ANO4: variants seen among roughly 807,000 people sequenced by gnomAD.
ANO4 encodes anoctamin-4.
Under a neutral mutation model 141.9 loss-of-function variants are expected in ANO4, and 69 were observed. The ratio of observed to expected loss-of-function variants is 0.49; its 90% CI spans 0.40 to 0.59. ANO4 has a LOEUF of 0.59. Among genes scored for constraint, ANO4 ranks in the 20% least tolerant of loss-of-function variants. The pLI is 0.00. For synonymous variants in ANO4, 350 were observed against 394.3 expected, an observed-to-expected ratio of 0.89 and a Z score of 1.33; for missense variants, 894 against 1,162.2, an observed-to-expected ratio of 0.77 and a Z score of 3.36.
intron 7 of ANO4, 73 bp from the exon 8 acceptor site, chr12:100,987,466 G>C (rs2044757456): frequency 6.4e-7 from 1 of 1,565,580 alleles, no homozygotes; most frequent in Non-Finnish European, 8.7e-7. Context: ...TGGCTCTGCG[G>C]AGACCTTCCT....
At chr12:100,979,374 G>T (rs1308236967) in intron 7 of ANO4, among the ~76,000 whole-genome samples, 1 of 152,134 alleles carries the variant, frequency 6.6e-6, no homozygotes, top group Admixed American at 6.5e-5. Context: ...TAGGTCTGAG[G>T]TGGGGCTCGA....
At chr12:101,063,249 GTACTTC>G (rs1566194419) in intron 14 of ANO4, among the ~76,000 whole-genome samples, 1 of 152,182 alleles carries the variant, frequency 6.6e-6, no homozygotes, top group Non-Finnish European at 1.5e-5. Context: ...GATGAGCTGG[GTACTTC>G]ATTTGGAAAT....
chr12:100,871,123 A>T (rs1264725405), intron 1 of ANO4, among the ~76,000 whole-genome samples: 2 of 152,108 alleles, frequency 1.3e-5, no homozygotes, highest in African/African-American at 4.8e-5. Context: ...TCACTTTGTG[A>T]TTACTGAGTT....
chr12:100,741,144 G>T lies in ANO4; in HGVS notation c.358+1039G>T, dbSNP rs541128591. Among the ~76,000 whole-genome samples the T allele has an allele frequency of 7.9e-5, 12 of 152,258 alleles. 1 individual carries two copies. The South Asian group carries it at 1.4e-3, about 18-fold the overall frequency. Reference sequence around the variant, plus strand: ...TTTATTTCTAAAATCTGAGTTGGAGGTTTAAATTATGCAAAATCTATCCTG... The same window carrying T: ...TTTATTTCTAAAATCTGAGTTGGAGTTTTAAATTATGCAAAATCTATCCTG... On this transcript the variant is annotated intron_variant, in intron 3 of 29. Transcript: ENST00000644049.
At chr12:101,058,513 T>G (rs2048220338) in intron 14 of ANO4, among the ~76,000 whole-genome samples, 1 of 152,214 alleles carries the variant, frequency 6.6e-6, no homozygotes, top group Admixed American at 6.5e-5. Flanking sequence ...ATTTTTCCAT[T>G]TGTTTGTGTC....
chr12:100,827,781 C>A (rs972957159), intron 1 of ANO4, among the ~76,000 whole-genome samples: 1 of 151,964 alleles, frequency 6.6e-6, no homozygotes, highest in Admixed American at 6.6e-5. Context: ...GGTAAGAAGT[C>A]CAGCCATTGC....
chr12:101,064,192 C>T (rs552092373), intron 14 of ANO4, among the ~76,000 whole-genome samples: 12 of 151,968 alleles, frequency 7.9e-5, no homozygotes, highest in Non-Finnish European at 1.6e-4. Flanking sequence ...AGCTATATCC[C>T]CCAAATTGTG....
rs540695345 is a variant in ANO4 at position 100,740,405 on chromosome 12, A to T, written c.358+300A>T. ...CTCACTGGCCTTTAATAGCTTTGCT[A>T]TACCAGAAGGAAGGTTGAATGTGTA... is the stretch of plus-strand genomic sequence containing the variant. On this transcript the variant is annotated intron_variant, in intron 3 of 29. Coordinates refer to the ANO4 transcript ENST00000644049. Among the ~76,000 whole-genome samples the T allele has an allele frequency of 2.0e-5, 3 of 152,232 alleles. No homozygotes were observed. The South Asian group carries it at 6.2e-4, about 32-fold the overall frequency.
At position 101,058,148 on chromosome 12, in the gene ANO4, G is replaced by A. The variant is rs891666197; in HGVS notation, c.1312+9747G>A. ...CTTTCCCCATTGCTGTTTTTGTCAG[G>A]TTTATCAAAGATTAGATGGTTGTAG... On this transcript the variant is annotated intron_variant, in intron 14 of 27. Transcript: ENST00000392977. 3.3e-5 allele frequency among the ~76,000 whole-genome samples: 5 copies of A among 152,100 alleles called. 1 individual carries two copies. Among genetic ancestry groups the A allele is most frequent in the Admixed American group, 1.3e-4 (2 of 15,268 alleles).
intron 3 of ANO4, among the ~76,000 whole-genome samples, chr12:100,751,269 G>A (rs967097428): frequency 2.0e-5 from 3 of 152,076 alleles, no homozygotes; most frequent in South Asian, 2.1e-4. Context: ...AAAGATCTAC[G>A]CGGGAAAGCA....
At chr12:100,834,854 G>A (rs1352916623) in intron 1 of ANO4, among the ~76,000 whole-genome samples, 3 of 152,142 alleles carry the variant, frequency 2.0e-5, no homozygotes, top group African/African-American at 7.2e-5. Context: ...AGATATATGA[G>A]GGAAGAGTGA....
chr12:101,113,324 A>G (rs1233016608), intron 24 of ANO4, among the ~76,000 whole-genome samples: 2 of 152,230 alleles, frequency 1.3e-5, no homozygotes, highest in East Asian at 1.9e-4. Flanking sequence ...GGGAACCTTT[A>G]TGCACAATTG....
intron 5 of ANO4, among the ~76,000 whole-genome samples, chr12:100,946,242 G>A (rs768654533): frequency 2.6e-5 from 4 of 152,176 alleles, no homozygotes; most frequent in Admixed American, 1.3e-4. Flanking sequence ...GGGGATGTTA[G>A]CTTTTCTCTG....
chr12:101,127,121 T>C (rs1382270493), intron 27 of ANO4, 47 bp downstream of exon 27: 1 of 1,550,796 alleles, frequency 6.4e-7, no homozygotes, highest in Admixed American at 1.9e-5. Context: ...CGAGGTTGAA[T>C]GGGTGCTTTA....
chr12:100,746,673 A>G lies in ANO4; in HGVS notation c.358+6568A>G, dbSNP rs74437621. On this transcript the variant is annotated intron_variant, in intron 3 of 29. Coordinates refer to the ANO4 transcript ENST00000644049. ...GTGGACACCAGGGATACTGCTAAAC[A>G]TCCTACATGCACAAGACGTGGTCCC... Among the ~76,000 whole-genome samples, 769 of 152,250 alleles carry G rather than the reference A, an allele frequency of 5.1e-3. 26 individuals carry two copies. In the East Asian group the frequency reaches 0.072, roughly 14 times the overall value.
intron 15 of ANO4, among the ~76,000 whole-genome samples, chr12:101,082,455 C>T (rs1389352443): frequency 2.0e-5 from 3 of 152,292 alleles, no homozygotes; most frequent in South Asian, 2.1e-4. Flanking sequence ...CCTTAGTTCT[C>T]GGATGACTAG....
intron 3 of ANO4, among the ~76,000 whole-genome samples, chr12:100,765,793 A>C (rs2033056872): frequency 6.6e-6 from 1 of 151,222 alleles, no homozygotes; most frequent in African/African-American, 2.4e-5. Context: ...GTACAATGTG[A>C]TGTTTTGATA....
chr12:100,736,402 G>C (rs1446610065), intron 2 of ANO4, among the ~76,000 whole-genome samples: 1 of 152,158 alleles, frequency 6.6e-6, no homozygotes, highest in East Asian at 1.9e-4. Context: ...TAAATGAGGA[G>C]ATGGAGTCCC....
At chr12:100,717,382 G>C, upstream of ANO4, 1 of 338,234 alleles carries the variant, frequency 3.0e-6, no homozygotes, top group Non-Finnish European at 5.3e-6. Context: ...GCGGCGCGCT[G>C]ACTGGGCGTG....
Sources: gnomAD v4.1 joint callset for allele counts (sites outside exome capture counted in the v4.1 genomes callset) on GRCh38, gnomAD v4.1.1 for gene constraint, MANE v1.5 for transcripts, NCBI Gene and HGNC (gene_info 2026-07-23, HGNC 2026-07-21) for gene names.